Variants in BRIP1 observed in about 807,000 individuals in gnomAD.
The protein encoded by BRIP1 is BRCA1 interacting DNA helicase 1, also known as Fanconi anemia group J protein.
BRIP1 carries 88 observed loss-of-function variants against 119.7 expected under a neutral mutation model. The observed-to-expected ratio is 0.74, with a 90% CI of 0.62 to 0.88. BRIP1 has a LOEUF of 0.88. BRIP1 is among the 40% of genes least tolerant of loss of function. The pLI is 0.00. For synonymous variants in BRIP1, 443 were observed against 496.5 expected (o/e 0.89, Z 1.43); for missense variants, 1,259 against 1,455.4 (o/e 0.87, Z 2.20).
chr17:61,849,362 T>G, intron 4 of BRIP1, 106 bp from the exon 5 acceptor site: 1 of 917,860 alleles, frequency 1.1e-6, no homozygotes, highest in Non-Finnish European at 1.7e-6. Context: ...AGAAATTTCA[T>G]ACCATAATCT....
In BRIP1 at chr17:61,805,266, C is replaced by T. The variant is rs1363140428; in HGVS notation, c.918+3201G>A. On this transcript the variant is annotated intron_variant, in intron 7 of 19. Transcript: ENST00000259008. This position sits in a 1 kb window ranked among gnomAD's most constrained non-coding sequence, Gnocchi z 5.6. ...AGGACAAGACATGAATAGCTGAGGA[C>T]CAGTTCTCCTAAAGCTTTGTATTCA... is the stretch of plus-strand genomic sequence containing the variant. Among the ~76,000 whole-genome samples the T allele has an allele frequency of 6.6e-6, 1 of 151,978 alleles. No homozygotes were observed. The highest frequency in any genetic ancestry group is 1.5e-5 in the Non-Finnish European group (1 of 67,992).
Position 61,851,473 on chromosome 17 carries a change from A to AT in BRIP1, c.380-2218dup, listed in dbSNP as rs2078821439. Among the ~76,000 whole-genome samples the AT allele has an allele frequency of 2.0e-5, 3 of 152,054 alleles. No homozygotes were observed. The South Asian group carries it at 6.2e-4, about 32-fold the overall frequency. ...GGTATAAAGTAGGGCTCCAATTTCAATTTTTTCCATATGGACATCTAACAG... is the reference window on the plus strand; with the variant it reads ...GGTATAAAGTAGGGCTCCAATTTCAATTTTTTTCCATATGGACATCTAACAG... On this transcript the variant is annotated intron_variant, in intron 4 of 19. Coordinates refer to ENST00000259008, the MANE Select transcript of BRIP1 (RefSeq NM_032043.3). This position sits in a 1 kb window ranked among gnomAD's most constrained non-coding sequence, Gnocchi z 4.6.
Position 61,843,573 on chromosome 17 carries a change from A to T in BRIP1, c.627+3528T>A, listed in dbSNP as rs1282437857. On this transcript the variant is annotated intron_variant, in intron 6 of 19. Transcript: ENST00000259008. The surrounding 1 kb of genome is among the most constrained non-coding windows in gnomAD (Gnocchi z 5.7). ...AGTAATGAGTTGAGTTCTTGCTCTG[A>T]GGTCACACGAGATCTGGTTATTTAA... 6.6e-6 allele frequency among the ~76,000 whole-genome samples: 1 copy of T among 151,990 alleles called. No individual in the cohort carries two copies. The highest frequency in any genetic ancestry group is 1.5e-5 in the Non-Finnish European group (1 of 68,010).
chr17:61,839,922 G>A (rs2078632287), intron 6 of BRIP1, among the ~76,000 whole-genome samples: 2 of 152,194 alleles, frequency 1.3e-5, no homozygotes, highest in South Asian at 4.2e-4. Flanking sequence ...ACATATATCA[G>A]CATACTACAT....
In BRIP1 at chr17:61,814,407, A is replaced by G. The variant is rs7217587; in HGVS notation, c.628-5650T>C. Among the ~76,000 whole-genome samples the G allele has an allele frequency of 5.7e-3, 875 of 152,230 alleles. 7 individuals are homozygous for G. The highest frequency in any genetic ancestry group is 0.02 in the African/African-American group (816 of 41,580). On this transcript the variant is annotated intron_variant, in intron 6 of 19. Coordinates refer to ENST00000259008, the MANE Select transcript of BRIP1 (RefSeq NM_032043.3). The surrounding 1 kb of genome is among the most constrained non-coding windows in gnomAD (Gnocchi z 4.9). ...ACATATAAAGAATTCCAATAAATCTATTTTTAAAAGACAAACCCTACAGAA... is the reference window on the plus strand; with the variant it reads ...ACATATAAAGAATTCCAATAAATCTGTTTTTAAAAGACAAACCCTACAGAA...
intron 16 of BRIP1, among the ~76,000 whole-genome samples, chr17:61,716,789 C>G (rs2061876804): frequency 6.7e-6 from 1 of 150,250 alleles, no homozygotes; most frequent in African/African-American, 2.4e-5. Flanking sequence ...ATATTATTTC[C>G]ACTACTGGAA....
At position 61,686,333 on chromosome 17, in the gene BRIP1, T is replaced by G. The variant is rs1479264329; in HGVS notation, c.2576-168A>C. ...TGCAATTCAGCAATTTTACTACATA[T>G]GTATCAGTAACATATGAGTAACATT... On this transcript the variant is annotated intron_variant, in intron 18 of 19. Coordinates refer to ENST00000259008, the MANE Select transcript of BRIP1 (RefSeq NM_032043.3). This position sits in a 1 kb window ranked among gnomAD's most constrained non-coding sequence, Gnocchi z 5.4. 6.6e-6 allele frequency among the ~76,000 whole-genome samples: 1 copy of G among 152,214 alleles called. No homozygotes were observed. Among genetic ancestry groups the G allele is most frequent in the African/African-American group, 2.4e-5 (1 of 41,452 alleles).
intron 17 of BRIP1, among the ~76,000 whole-genome samples, chr17:61,702,005 A>G (rs2061621924): frequency 6.6e-6 from 1 of 152,242 alleles, no homozygotes; most frequent in Non-Finnish European, 1.5e-5. Flanking sequence ...AATACCACAA[A>G]GCTTACTGTT....
At position 61,796,618 on chromosome 17, in the gene BRIP1, C is replaced by G. The variant is rs1270980349; in HGVS notation, c.1340+2482G>C. The stretch of plus-strand genomic sequence containing the variant: ...TATTCTGTTCCATTGATCTGTGTGT[C>G]TGTTTTTATGCCAGTACTGTGCTGT... On this transcript the variant is annotated intron_variant, in intron 9 of 19. Coordinates refer to ENST00000259008, the MANE Select transcript of BRIP1 (RefSeq NM_032043.3). The surrounding 1 kb of genome is among the most constrained non-coding windows in gnomAD (Gnocchi z 4.8). 6.6e-6 allele frequency among the ~76,000 whole-genome samples: 1 copy of G among 151,938 alleles called. No homozygotes were observed. Among genetic ancestry groups the G allele is most frequent in the African/African-American group, 2.4e-5 (1 of 41,376 alleles).
In BRIP1 at chr17:61,845,920, C is replaced by T. The variant is rs1184178043; in HGVS notation, c.627+1181G>A. Among the ~76,000 whole-genome samples the T allele has an allele frequency of 6.6e-6, 1 of 151,956 alleles. No individual in the cohort carries two copies. The highest frequency in any genetic ancestry group is 2.4e-5 in the African/African-American group (1 of 41,362). ...ACTGTGATCTAATGATGCTGGAAAA[C>T]TATTATTAACATAGGTTGGGTTGAG... On this transcript the variant is annotated intron_variant, in intron 6 of 19. Coordinates refer to ENST00000259008, the MANE Select transcript of BRIP1 (RefSeq NM_032043.3). The surrounding 1 kb of genome is among the most constrained non-coding windows in gnomAD (Gnocchi z 4.2).
chr17:61,740,650 A>G lies in BRIP1; in HGVS notation c.2379+2363T>C, dbSNP rs1043693855. 3.3e-5 allele frequency among the ~76,000 whole-genome samples: 5 copies of G among 152,204 alleles called. No homozygotes were observed. The highest frequency in any genetic ancestry group is 1.2e-4 in the African/African-American group (5 of 41,434). ...TATCATAACAAAGTAAGTCACATGA[A>G]TTTTTTGGTTTCCCAACACATATAA... On this transcript the variant is annotated intron_variant, in intron 16 of 19. Coordinates refer to ENST00000259008, the MANE Select transcript of BRIP1 (RefSeq NM_032043.3). The surrounding 1 kb of genome is among the most constrained non-coding windows in gnomAD (Gnocchi z 5.4).
rs2145033385 is a variant in BRIP1, at chr17:61,776,539, T to C, written c.1959A>G (p.Ser653=). ...CACAGAGATTCCGACCCTTGGGGCC[T>C]GACCCAATGGTACCAACCCAAACCT... ...NSQVWVGTIG[S]GPKGRNLCAT... is the part of the protein sequence containing the mutation. Residue 653 remains serine, a synonymous_variant, in exon 14 of 20, where the codon TCA becomes TCG. Transcript: ENST00000259008. The surrounding 1 kb of genome is among the most constrained non-coding windows in gnomAD (Gnocchi z 5.0). 2 of 1,614,152 alleles carry C rather than the reference T, an allele frequency of 1.2e-6. No homozygotes were observed. Among genetic ancestry groups the C allele is most frequent in the East Asian group, 4.5e-5 (2 of 44,868 alleles).
In BRIP1 at chr17:61,861,855, T is replaced by C. The variant is rs1423814849; in HGVS notation, c.-30-286A>G. The stretch of plus-strand genomic sequence containing the variant: ...AGCCACAGTGACTGCATGTACCCCA[T>C]AGGATTGTGGTAATGATTAAGTGAA... On this transcript the variant is annotated intron_variant, in intron 1 of 19. Transcript: ENST00000259008. The surrounding 1 kb of genome is among the most constrained non-coding windows in gnomAD (Gnocchi z 4.5). 10 of 440,990 alleles carry C rather than the reference T, an allele frequency of 2.3e-5. No individual in the cohort carries two copies. In the Admixed American group the frequency reaches 2.5e-4, roughly 11 times the overall value. 27.3% of individuals were successfully genotyped at this position (440,990 alleles called of 1,614,324 possible).
At position 61,780,130 on chromosome 17, in the gene BRIP1, T is replaced by C. The variant is rs2077591264; in HGVS notation, c.1935+131A>G. The C allele has an allele frequency of 1.0e-6, 1 of 993,600 alleles. No homozygotes were observed. The highest frequency in any genetic ancestry group is 1.5e-6 in the Non-Finnish European group (1 of 654,020). 61.5% of individuals were successfully genotyped at this position (993,600 alleles called of 1,614,324 possible). On this transcript the variant is annotated intron_variant, in intron 13 of 19. Transcript: ENST00000259008. The surrounding 1 kb of genome is among the most constrained non-coding windows in gnomAD (Gnocchi z 5.4). ...AAGTAGCTGACAGATTTTCTTTTATTGTAAAACTGGAATGTTGAATTTCCT... is the reference window on the plus strand; with the variant it reads ...AAGTAGCTGACAGATTTTCTTTTATCGTAAAACTGGAATGTTGAATTTCCT...
At chr17:61,812,634 G>A (rs1414133962) in intron 6 of BRIP1, among the ~76,000 whole-genome samples, 1 of 151,186 alleles carries the variant, frequency 6.6e-6, no homozygotes, top group African/African-American at 2.4e-5. Flanking sequence ...ACATGTGGAT[G>A]TGACAGCTAT....
chr17:61,702,496 T>C (rs769193611), intron 17 of BRIP1, among the ~76,000 whole-genome samples: 12 of 152,166 alleles, frequency 7.9e-5, no homozygotes, highest in Non-Finnish European at 1.6e-4. Flanking sequence ...TGTCTGTTGT[T>C]CCCTTCTCTG....
chr17:61,812,243 A>C (rs757873162), intron 6 of BRIP1, among the ~76,000 whole-genome samples: 22 of 152,098 alleles, frequency 1.4e-4, no homozygotes, highest in Admixed American at 7.9e-4. Flanking sequence ...AAAATTAAAT[A>C]ATTTTGTATC....
intron 17 of BRIP1, among the ~76,000 whole-genome samples, chr17:61,711,119 G>T (rs1281922370): frequency 6.6e-6 from 1 of 151,624 alleles, no homozygotes; most frequent in African/African-American, 2.4e-5. Flanking sequence ...GTAGCAACAT[G>T]CATTGCTACT....
Position 61,795,703 on chromosome 17 carries a change from C to T in BRIP1, c.1341-1974G>A, listed in dbSNP as rs1480371978. 6.6e-6 allele frequency among the ~76,000 whole-genome samples: 1 copy of T among 152,100 alleles called. No individual in the cohort carries two copies. The highest frequency in any genetic ancestry group is 1.5e-5 in the Non-Finnish European group (1 of 67,998). ...CAAATCTTGACTATTGTGAATAGTG[C>T]TGCAGCAAACATGGGAGTATAGCTA... is the stretch of plus-strand genomic sequence containing the variant. On this transcript the variant is annotated intron_variant, in intron 9 of 19. Transcript: ENST00000259008. This position sits in a 1 kb window ranked among gnomAD's most constrained non-coding sequence, Gnocchi z 5.6.
Sources: gnomAD v4.1 joint callset for allele counts (sites outside exome capture counted in the v4.1 genomes callset) on GRCh38, gnomAD v4.1.1 for gene constraint, Gnocchi (gnomAD v3.1) non-coding constraint, MANE v1.5 for transcripts, NCBI Gene and HGNC (gene_info 2026-07-23, HGNC 2026-07-21) for gene names.